Variants in GSTA3 observed in about 807,000 individuals in gnomAD.
GSTA3 encodes glutathione S-transferase alpha 3.
GSTA3 carries 16 observed loss-of-function variants against 23.1 expected under a neutral mutation model. That is an observed-to-expected ratio of 0.69 (90% CI 0.47 to 1.05). The LOEUF (loss-of-function observed/expected upper bound fraction) is 1.05. Ranked by LOEUF, GSTA3 falls within the 50% of genes least tolerant of loss-of-function variation. GSTA3 has a pLI of 0.00. For missense variants in GSTA3, 319 were observed against 263.6 expected, an observed-to-expected ratio of 1.21 and a Z score of -1.46; for synonymous variants, 122 against 91.0, an observed-to-expected ratio of 1.34 and a Z score of -1.94.
chr6:52,897,729 G>C, intron 6 of GSTA3, 96 bp downstream of exon 6: 1 of 1,414,510 alleles, frequency 7.1e-7, no homozygotes, highest in Non-Finnish European at 1.0e-6. Context: ...CCTGAAAAAG[G>C]CTGGGGTCAG....
At chr6:52,906,170 A>G (rs1212259968) in intron 1 of GSTA3, among the ~76,000 whole-genome samples, 1 of 152,226 alleles carries the variant, frequency 6.6e-6, no homozygotes, top group Admixed American at 6.5e-5. Flanking sequence ...CCTTATAAAA[A>G]CTATATGTTC....
Position 52,905,818 on chromosome 6 carries a change from T to C in GSTA3, c.17A>G (p.Lys6Arg), listed in dbSNP as rs2127363389. 6.2e-7 allele frequency: 1 copy of C among 1,603,820 alleles called. No homozygotes were observed. The highest frequency in any genetic ancestry group is 8.5e-7 in the Non-Finnish European group (1 of 1,172,514). Residue 6 changes from lysine to arginine, a missense_variant, in exon 2 of 7, where the codon AAG becomes AGG. Coordinates refer to ENST00000211122, the MANE Select transcript of GSTA3 (RefSeq NM_000847.5). MAGKPKLHYFNGRGRM... is the reference protein window; with the variant it reads MAGKPRLHYFNGRGRM... ...GCCCCGTCCATTGAAGTAGTGAAGC[T>C]TGGGCTTCCCTGCCATGGTAACAGT...
At chr6:52,898,200 C>T (rs952691337) in intron 5 of GSTA3, among the ~76,000 whole-genome samples, 1 of 152,136 alleles carries the variant, frequency 6.6e-6, no homozygotes, top group African/African-American at 2.4e-5. Flanking sequence ...GGCATCCACA[C>T]CATCCACCTG....
chr6:52,904,997 A>G (rs1765843101), intron 2 of GSTA3, among the ~76,000 whole-genome samples: 1 of 152,244 alleles, frequency 6.6e-6, no homozygotes, highest in South Asian at 2.1e-4. Flanking sequence ...TAATAGGTGC[A>G]CAACAAAATA....
rs45493402 is a variant in GSTA3, at chr6:52,909,691, A to C, written c.-72T>G. 4.5e-4 allele frequency: 68 copies of C among 152,256 alleles called. No homozygotes were observed. Among genetic ancestry groups the C allele is most frequent in the African/African-American group, 1.6e-3 (67 of 41,554 alleles). The allele number at this position is 152,256 out of a possible 1,614,324, so 9.4% of individuals were successfully genotyped here. On this transcript the variant is annotated 5_prime_UTR_variant, in exon 1 of 7. Coordinates refer to ENST00000211122, the MANE Select transcript of GSTA3 (RefSeq NM_000847.5). Reference sequence around the variant, plus strand: ...CTCAGCTTCTCAAGGCCACCTCCTGATGTGTATGTTAGCTGTTTTAATACT... The same window carrying C: ...CTCAGCTTCTCAAGGCCACCTCCTGCTGTGTATGTTAGCTGTTTTAATACT...
chr6:52,900,828 G>A (rs535705536), intron 4 of GSTA3, among the ~76,000 whole-genome samples: 28 of 152,280 alleles, frequency 1.8e-4, no homozygotes, highest in African/African-American at 6.0e-4. Context: ...CCCTGGCACA[G>A]CCATCTCAGT....
chr6:52,898,812 A>C (rs1272988857), intron 5 of GSTA3, among the ~76,000 whole-genome samples: 1 of 152,150 alleles, frequency 6.6e-6, no homozygotes, highest in African/African-American at 2.4e-5. Flanking sequence ...ACTTGGACAA[A>C]GGAGGGGAAG....
chr6:52,908,832 T>C (rs1765978449), intron 1 of GSTA3, among the ~76,000 whole-genome samples: 2 of 152,218 alleles, frequency 1.3e-5, no homozygotes, highest in African/African-American at 4.8e-5. Flanking sequence ...ACTTGCCTAC[T>C]ACCCTAAAAG....
At position 52,900,009 on chromosome 6, in the gene GSTA3, T is replaced by A. The variant is rs1394082957; in HGVS notation, c.339A>T (p.Arg113=). The A allele has an allele frequency of 6.2e-7, 1 of 1,613,714 alleles. No homozygotes were observed. Among genetic ancestry groups the A allele is most frequent in the Non-Finnish European group, 8.5e-7 (1 of 1,179,656 alleles). Reference sequence around the variant, plus strand: ...CAATCTTGGCATCTTTTTCCTCAGGTCGACATAAGGGCAGAAGAAGGATCA... The same window carrying A: ...CAATCTTGGCATCTTTTTCCTCAGGACGACATAAGGGCAGAAGAAGGATCA... ...NEMILLLPLC[R]PEEKDAKIAL... is the part of the protein sequence containing the mutation. Residue 113 remains arginine (R), a synonymous_variant, in exon 5 of 7, where the codon CGA becomes CGT. Transcript: ENST00000211122.
chr6:52,897,128 G>A (rs1304549597), intron 6 of GSTA3, among the ~76,000 whole-genome samples, 200 bp from the exon 7 acceptor site: 1 of 152,174 alleles, frequency 6.6e-6, no homozygotes, highest in Non-Finnish European at 1.5e-5. Context: ...CCGCAAAGAT[G>A]TCTTAAAGTT....
At chr6:52,906,798 A>G (rs1202335006) in intron 1 of GSTA3, among the ~76,000 whole-genome samples, 1 of 151,188 alleles carries the variant, frequency 6.6e-6, no homozygotes, top group Non-Finnish European at 1.5e-5. Flanking sequence ...CTTACACCTT[A>G]TACAAAAATC....
chr6:52,900,106 T>A, intron 4 of GSTA3, 31 bp from the exon 5 acceptor site: 1 of 1,579,324 alleles, frequency 6.3e-7, no homozygotes, highest in South Asian at 1.2e-5. Flanking sequence ...AAGCATCAAA[T>A]GCCTCTTGCC....
At chr6:52,899,899 C>T in intron 5 of GSTA3, 35 bp downstream of exon 5, 2 of 1,611,122 alleles carry the variant, frequency 1.2e-6, no homozygotes, top group Admixed American at 1.7e-5. Flanking sequence ...GGCCTCTAAA[C>T]TCAGTGCCCC....
chr6:52,896,665 T>G lies in GSTA3; in HGVS notation c.*141A>C. 1 of 943,460 alleles carries G rather than the reference T, an allele frequency of 1.1e-6. No homozygotes were observed. The highest frequency in any genetic ancestry group is 1.5e-6 in the Non-Finnish European group (1 of 653,574). 58.4% of individuals were successfully genotyped at this position (943,460 alleles called of 1,614,324 possible). On this transcript the variant is annotated 3_prime_UTR_variant, in exon 7 of 7. Transcript: ENST00000211122. Reference sequence around the variant, plus strand: ...TTTAACTAAGTTAGCAAATAGGAGTTTTTATTATTTAATTAGCATATAATT... The same window carrying G: ...TTTAACTAAGTTAGCAAATAGGAGTGTTTATTATTTAATTAGCATATAATT...
At chr6:52,906,674 C>G (rs1030517369) in intron 1 of GSTA3, among the ~76,000 whole-genome samples, 1 of 151,962 alleles carries the variant, frequency 6.6e-6, no homozygotes, top group Non-Finnish European at 1.5e-5. Flanking sequence ...CTACAACTAT[C>G]TGATCTTTGA....
intron 4 of GSTA3, among the ~76,000 whole-genome samples, chr6:52,900,301 C>T (rs1346266308): frequency 3.0e-5 from 4 of 133,320 alleles, no homozygotes; most frequent in Non-Finnish European, 4.7e-5. Flanking sequence ...TTCCCTCATT[C>T]TCCCAAGCCA....
chr6:52,899,027 A>T (rs1765570914), intron 5 of GSTA3, among the ~76,000 whole-genome samples: 1 of 152,116 alleles, frequency 6.6e-6, no homozygotes, highest in Non-Finnish European at 1.5e-5. Flanking sequence ...AGGAGAAGGT[A>T]ATCGGAATGA....
Position 52,902,446 on chromosome 6 carries a change from C to T in GSTA3, c.172G>A (p.Val58Ile), listed in dbSNP as rs749166755. ...GSLMFQQVPM[V>I]EIDGMKLVQT... ...ACCAACTTCATCCCATCAATCTCAA[C>T]CATTGGTACTTGCTGGAACATCAAA... The change falls in exon 4 of 7, where the codon GTT becomes ATT. Residue 58 changes from valine (V) to isoleucine (I), a missense_variant. By Grantham distance (29) the Val-to-Ile change is conservative. Coordinates refer to ENST00000211122, the MANE Select transcript of GSTA3 (RefSeq NM_000847.5). The T allele has an allele frequency of 6.2e-7, 1 of 1,613,194 alleles. No homozygotes were observed. Among genetic ancestry groups the T allele is most frequent in the East Asian group, 2.2e-5 (1 of 44,868 alleles).
chr6:52,897,685 G>T, intron 6 of GSTA3, 140 bp downstream of exon 6: 1 of 887,726 alleles, frequency 1.1e-6, no homozygotes, highest in South Asian at 1.6e-5. Flanking sequence ...TTGGGGTCTG[G>T]AAGCTCATTT....
Sources: allele counts gnomAD v4.1 joint callset (sites outside exome capture counted in the v4.1 genomes callset), GRCh38; gene constraint gnomAD v4.1.1; transcripts MANE v1.5; gene names NCBI Gene and HGNC (gene_info 2026-07-23, HGNC 2026-07-21).